The following PPM1H variants were observed in gnomAD, a reference collection of about 807,000 sequenced individuals.
PPM1H encodes the protein protein phosphatase 1H.
PPM1H carries 27 observed loss-of-function variants against 54.9 expected under a neutral mutation model. That is an observed-to-expected ratio of 0.49 (90% CI 0.36 to 0.68). The LOEUF is 0.68. PPM1H is among the 30% of genes least tolerant of loss of function. The probability of loss-of-function intolerance (pLI) is 0.00; values close to 1 mark genes in which losing one functional copy is unlikely to be tolerated. For missense variants in PPM1H, 596 were observed against 667.8 expected (o/e 0.89, Z 1.19); for synonymous variants, 305 against 270.8 (o/e 1.13, Z -1.24).
intron 7 of PPM1H, among the ~76,000 whole-genome samples, chr12:62,693,244 T>C (rs991543397): frequency 1.3e-5 from 2 of 152,234 alleles, no homozygotes; most frequent in Non-Finnish European, 2.9e-5. Context: ...GAGACCACTT[T>C]AGGATCCACA....
At position 62,863,985 on chromosome 12, in the gene PPM1H, C is replaced by A. The variant is rs117305323; in HGVS notation, c.246-31706G>T. On this transcript the variant is annotated intron_variant, in intron 1 of 9. Coordinates refer to ENST00000228705, the MANE Select transcript of PPM1H (RefSeq NM_020700.2). ...TTCATCCACATCATTGTTATAATCT[C>A]ATTTTGCACATTTATCTGCTAGCAC... is the stretch of plus-strand genomic sequence containing the variant. 1.4e-4 allele frequency among the ~76,000 whole-genome samples: 22 copies of A among 152,348 alleles called. No individual in the cohort carries two copies. The East Asian group carries it at 4.2e-3, about 29-fold the overall frequency.
At chr12:62,716,683 T>A (rs2076236331) in intron 6 of PPM1H, among the ~76,000 whole-genome samples, 1 of 152,162 alleles carries the variant, frequency 6.6e-6, no homozygotes, top group African/African-American at 2.4e-5. Context: ...TATGCCACCA[T>A]GCCTGGCTAA....
intron 1 of PPM1H, among the ~76,000 whole-genome samples, chr12:62,842,508 A>G (rs61032877): frequency 0.064 from 9,785 of 152,298 alleles, 454 homozygotes; most frequent in African/African-American, 0.13. Context: ...TAAAACATAT[A>G]CATTTTTAAT....
At chr12:62,871,876 C>CA in intron 1 of PPM1H, among the ~76,000 whole-genome samples, 1 of 152,000 alleles carries the variant, frequency 6.6e-6, no homozygotes. Context: ...CAATTAAAAA[C>CA]AAAAACAAAA....
chr12:62,886,191 G>A (rs1157640119), intron 1 of PPM1H, among the ~76,000 whole-genome samples: 1 of 152,106 alleles, frequency 6.6e-6, no homozygotes, highest in Non-Finnish European at 1.5e-5. Context: ...ATCTCATATG[G>A]TTTCTGACAC....
intron 2 of PPM1H, among the ~76,000 whole-genome samples, chr12:62,815,540 A>C (rs73130086): frequency 0.065 from 9,973 of 152,346 alleles, 444 homozygotes; most frequent in Middle Eastern, 0.12. Flanking sequence ...TTCTCCCTAA[A>C]TTAGTTTATG....
chr12:62,893,426 G>A (rs73318249), intron 1 of PPM1H, among the ~76,000 whole-genome samples: 2,071 of 152,166 alleles, frequency 0.014, 53 homozygotes, highest in African/African-American at 0.047. Flanking sequence ...GTCATATTGA[G>A]TCATAATGAA....
chr12:62,917,729 A>AT (rs980049958), intron 1 of PPM1H, among the ~76,000 whole-genome samples: 4 of 151,792 alleles, frequency 2.6e-5, no homozygotes, highest in Non-Finnish European at 4.4e-5. Flanking sequence ...GTTTATTTTT[A>AT]TTTTTTGATT....
At chr12:62,702,682 G>GGACC (rs2076151205) in intron 6 of PPM1H, among the ~76,000 whole-genome samples, 1 of 152,140 alleles carries the variant, frequency 6.6e-6, no homozygotes, top group Admixed American at 6.5e-5. Flanking sequence ...GTATAACAGG[G>GGACC]GACCCTATTA....
At chr12:62,807,340 G>C (rs191689842) in intron 2 of PPM1H, among the ~76,000 whole-genome samples, 1 of 152,344 alleles carries the variant, frequency 6.6e-6, no homozygotes, top group Non-Finnish European at 1.5e-5. Context: ...TGAAAGTCAT[G>C]ATGCTAAGGT....
intron 9 of PPM1H, among the ~76,000 whole-genome samples, chr12:62,663,686 G>C (rs1184189313): frequency 3.3e-5 from 5 of 152,212 alleles, no homozygotes; most frequent in Non-Finnish European, 7.4e-5. Flanking sequence ...TGGCTCCTTA[G>C]AGCCTTTAAG....
chr12:62,907,098 C>T (rs979166562), intron 1 of PPM1H, among the ~76,000 whole-genome samples: 4 of 152,222 alleles, frequency 2.6e-5, no homozygotes, highest in African/African-American at 9.7e-5. Context: ...CAACTACTCT[C>T]CTGGCAAATT....
chr12:62,770,380 T>C (rs573682413), intron 4 of PPM1H, among the ~76,000 whole-genome samples: 1 of 152,260 alleles, frequency 6.6e-6, no homozygotes, highest in South Asian at 2.1e-4. Context: ...AGCGCTATGA[T>C]AAGTCACAGA....
chr12:62,900,129 G>A (rs1871111744), intron 1 of PPM1H, among the ~76,000 whole-genome samples: 1 of 152,168 alleles, frequency 6.6e-6, no homozygotes, highest in Non-Finnish European at 1.5e-5. Context: ...AGCTCAAATG[G>A]ACTAACACCG....
intron 1 of PPM1H, among the ~76,000 whole-genome samples, chr12:62,887,699 C>T (rs1304036117): frequency 6.6e-6 from 1 of 152,040 alleles, no homozygotes; most frequent in Non-Finnish European, 1.5e-5. Flanking sequence ...ACAGGGAAGA[C>T]AAGGAGGAAG....
intron 2 of PPM1H, among the ~76,000 whole-genome samples, chr12:62,802,726 C>T (rs2663956): frequency 1.5e-3 from 231 of 152,166 alleles, no homozygotes; most frequent in African/African-American, 4.9e-3. Context: ...ACTACAGGCG[C>T]GTGCCACCAC....
intron 1 of PPM1H, among the ~76,000 whole-genome samples, chr12:62,880,118 AGTT>A (rs1870336845): frequency 6.6e-6 from 1 of 152,342 alleles, no homozygotes; most frequent in Admixed American, 6.5e-5. Context: ...GAGAGAAAAA[AGTT>A]GTTAAAATAG....
In PPM1H at chr12:62,857,021, G is replaced by A. The variant is rs1378270045; in HGVS notation, c.246-24742C>T. On this transcript the variant is annotated intron_variant, in intron 1 of 9. Transcript: ENST00000228705. ...ATACATAGGTCTAATGTGTATATGTGATCATTATAGTAGTTTATGAATCAG... is the reference window on the plus strand; with the variant it reads ...ATACATAGGTCTAATGTGTATATGTAATCATTATAGTAGTTTATGAATCAG... Among the ~76,000 whole-genome samples, 5 of 152,250 alleles carry A rather than the reference G, an allele frequency of 3.3e-5. No individual in the cohort carries two copies. The East Asian group carries it at 9.6e-4, about 29-fold the overall frequency.
intron 1 of PPM1H, among the ~76,000 whole-genome samples, chr12:62,931,676 A>G (rs949457174): frequency 2.6e-5 from 4 of 152,208 alleles, no homozygotes; most frequent in African/African-American, 9.7e-5. Flanking sequence ...GTTCACACAC[A>G]GGCTTGACCC....
Sources: gnomAD v4.1 joint callset for allele counts (sites outside exome capture counted in the v4.1 genomes callset) on GRCh38, gnomAD v4.1.1 for gene constraint, MANE v1.5 for transcripts, NCBI Gene and HGNC (gene_info 2026-07-23, HGNC 2026-07-21) for gene names.